Variants in CHODL observed in about 807,000 individuals in gnomAD.
The protein encoded by CHODL is chondrolectin, also known as transmembrane protein MT75.
A neutral mutation model predicts 34.5 loss-of-function variants in CHODL; 29 were observed. That is an observed-to-expected ratio of 0.84 (90% CI 0.63 to 1.15). The LOEUF (loss-of-function observed/expected upper bound fraction) is 1.15. Ranked by LOEUF, CHODL falls within the 50% of genes most tolerant of loss-of-function variation. CHODL has a pLI of 0.00. For synonymous variants in CHODL, 125 were observed against 116.1 expected (o/e 1.08, Z -0.49); for missense variants, 332 against 332.5 (o/e 1.00, Z 0.01).
intron 2 of CHODL, among the ~76,000 whole-genome samples, chr21:18,129,985 T>C (rs2072635541): frequency 6.6e-6 from 1 of 152,048 alleles, no homozygotes; most frequent in Admixed American, 6.6e-5. Context: ...ACAGATAATT[T>C]TTTAAGCCAA....
chr21:18,049,193 T>C (rs1243954620), intron 2 of CHODL, among the ~76,000 whole-genome samples: 2 of 151,954 alleles, frequency 1.3e-5, no homozygotes, highest in Non-Finnish European at 2.9e-5. Context: ...ACCAGTTGAA[T>C]GAGGGAAGCT....
At chr21:17,931,142 A>G (rs751707110) in intron 1 of CHODL, among the ~76,000 whole-genome samples, 6 of 152,192 alleles carry the variant, frequency 3.9e-5, no homozygotes, top group Non-Finnish European at 7.3e-5. Flanking sequence ...CACTCCCGTC[A>G]GAGCTGGTGC....
At chr21:18,134,073 C>T (rs1234431951) in intron 2 of CHODL, among the ~76,000 whole-genome samples, 3 of 152,094 alleles carry the variant, frequency 2.0e-5, no homozygotes, top group Non-Finnish European at 4.4e-5. Context: ...TTTCTAAGCA[C>T]GATATACACA....
At chr21:18,197,916 C>T (rs1045466191) in intron 2 of CHODL, among the ~76,000 whole-genome samples, 1 of 152,172 alleles carries the variant, frequency 6.6e-6, no homozygotes, top group South Asian at 2.1e-4. Context: ...GCAAATGCAA[C>T]CAAATAAATA....
At chr21:17,976,428 A>G (rs542972387) in intron 1 of CHODL, among the ~76,000 whole-genome samples, 2 of 152,264 alleles carry the variant, frequency 1.3e-5, no homozygotes, top group African/African-American at 4.8e-5. Context: ...AGCTAAATTT[A>G]AGGTCAAACA....
chr21:17,939,132 TA>T (rs2063343679), intron 1 of CHODL, among the ~76,000 whole-genome samples: 2 of 152,242 alleles, frequency 1.3e-5, no homozygotes, highest in East Asian at 3.8e-4. Context: ...TCTAAGTGTA[TA>T]ATACATTATT....
intron 1 of CHODL, among the ~76,000 whole-genome samples, chr21:18,253,310 G>A (rs2074279665): frequency 6.7e-6 from 1 of 150,224 alleles, no homozygotes; most frequent in African/African-American, 2.5e-5. Flanking sequence ...TGGCTATTCT[G>A]TTTTGTTTTT....
At chr21:18,012,507 T>G (rs558583133) in intron 1 of CHODL, among the ~76,000 whole-genome samples, 1 of 152,186 alleles carries the variant, frequency 6.6e-6, no homozygotes, top group African/African-American at 2.4e-5. Context: ...TATAGAAGTA[T>G]AAAATAACTG....
At chr21:18,129,888 T>TTC (rs199736539) in intron 2 of CHODL, among the ~76,000 whole-genome samples, 4 of 110,176 alleles carry the variant, frequency 3.6e-5, no homozygotes, top group South Asian at 6.4e-4. Context: ...CTCTCTGTCT[T>TTC]TCTCTGTGTG....
chr21:18,157,047 GC>G (rs2073042985), intron 2 of CHODL, among the ~76,000 whole-genome samples: 1 of 152,138 alleles, frequency 6.6e-6, no homozygotes, highest in South Asian at 2.1e-4. Flanking sequence ...GGCGAAGAAG[GC>G]AGAAGTTACC....
intron 2 of CHODL, among the ~76,000 whole-genome samples, chr21:18,194,018 G>A (rs894087709): frequency 2.0e-5 from 3 of 151,886 alleles, no homozygotes; most frequent in African/African-American, 7.3e-5. Context: ...ATCTACCTTT[G>A]TAGCATATCC....
At chr21:18,051,968 T>C (rs1291304324) in intron 2 of CHODL, among the ~76,000 whole-genome samples, 1 of 151,940 alleles carries the variant, frequency 6.6e-6, no homozygotes, top group Non-Finnish European at 1.5e-5. Flanking sequence ...CAGAGCATCT[T>C]ATGTAAATTT....
chr21:18,066,605 C>T (rs1249557867), intron 2 of CHODL, among the ~76,000 whole-genome samples: 1 of 152,112 alleles, frequency 6.6e-6, no homozygotes, highest in African/African-American at 2.4e-5. Flanking sequence ...TGGCTTCCTG[C>T]TACCACATTT....
At chr21:17,948,271 A>C (rs1412880699) in intron 1 of CHODL, among the ~76,000 whole-genome samples, 1 of 151,978 alleles carries the variant, frequency 6.6e-6, no homozygotes, top group Admixed American at 6.6e-5. Flanking sequence ...ATGTAACAAA[A>C]ATGCACTTGT....
At chr21:18,126,742 C>T (rs2065550064) in intron 2 of CHODL, among the ~76,000 whole-genome samples, 1 of 152,110 alleles carries the variant, frequency 6.6e-6, no homozygotes, top group African/African-American at 2.4e-5. Flanking sequence ...AAAAATCTTT[C>T]ATAAATTAAG....
intron 2 of CHODL, among the ~76,000 whole-genome samples, chr21:18,052,836 T>C (rs900928120): frequency 4.6e-4 from 70 of 152,064 alleles, no homozygotes; most frequent in African/African-American, 1.5e-3. Context: ...TTTGATTTTG[T>C]TAACATGAGT....
At chr21:17,978,515 G>C (rs2063687149) in intron 1 of CHODL, among the ~76,000 whole-genome samples, 1 of 151,034 alleles carries the variant, frequency 6.6e-6, no homozygotes. Context: ...TCAGGAGATC[G>C]AGACGATCCT....
At chr21:17,997,744 A>G (rs1477383384) in intron 1 of CHODL, among the ~76,000 whole-genome samples, 1 of 152,142 alleles carries the variant, frequency 6.6e-6, no homozygotes, top group East Asian at 1.9e-4. Flanking sequence ...AGACTTTTTC[A>G]CTATCATGAG....
At chr21:18,007,739 C>T (rs921482212) in intron 1 of CHODL, among the ~76,000 whole-genome samples, 3 of 152,098 alleles carry the variant, frequency 2.0e-5, no homozygotes, top group African/African-American at 4.8e-5. Context: ...AAGAAACTTC[C>T]TGGAAGGTTT....
Sources: allele counts gnomAD v4.1 joint callset (sites outside exome capture counted in the v4.1 genomes callset), GRCh38; gene constraint gnomAD v4.1.1; transcripts MANE v1.5; gene names NCBI Gene and HGNC (gene_info 2026-07-23, HGNC 2026-07-21).